BAZ1B: variants seen among roughly 807,000 people sequenced by gnomAD.
BAZ1B encodes bromodomain adjacent to zinc finger domain 1B.
In BAZ1B, 22 loss-of-function variants were observed where a neutral mutation model predicts 153.8. The ratio of observed to expected loss-of-function variants is 0.14; its 90% confidence interval spans 0.10 to 0.20. The LOEUF (loss-of-function observed/expected upper bound fraction) is 0.20. Ranked by LOEUF, BAZ1B falls within the 10% of genes least tolerant of loss-of-function variation. The pLI, the probability that BAZ1B is intolerant of heterozygous loss-of-function variation, is 1.00. For missense variants in BAZ1B, 1,325 were observed against 1,799.3 expected (o/e 0.74, Z 4.77); for synonymous variants, 676 against 633.4 (o/e 1.07, Z -1.01).
In BAZ1B at chr7:73,492,952, CG is replaced by C. The variant is rs782168734; in HGVS notation, c.572-32del. 1.2e-5 allele frequency: 19 copies of C among 1,556,488 alleles called. No homozygotes were observed. The Admixed American group carries it at 1.7e-4, about 14-fold the overall frequency. On this transcript the variant is annotated intron_variant, in intron 4 of 19. Coordinates refer to ENST00000339594, the MANE Select transcript of BAZ1B (RefSeq NM_032408.4). ...CAAATCATAGAAAATTAGTGAAAAA[CG>C]TAATTATTTTAATCCTTTTCATTCA...
chr7:73,458,846 A>C (rs1788290687), intron 13 of BAZ1B, among the ~76,000 whole-genome samples: 1 of 152,154 alleles, frequency 6.6e-6, no homozygotes, highest in African/African-American at 2.4e-5. Context: ...GTGAGTTATA[A>C]GCAAATCACC....
intron 3 of BAZ1B, among the ~76,000 whole-genome samples, chr7:73,503,958 C>T (rs764943237): frequency 6.6e-6 from 1 of 152,128 alleles, no homozygotes; most frequent in African/African-American, 2.4e-5. Flanking sequence ...TCTCTCACTA[C>T]CATAGTACTC....
intron 7 of BAZ1B, among the ~76,000 whole-genome samples, chr7:73,472,759 A>G (rs1194104576): frequency 1.3e-5 from 2 of 149,484 alleles, no homozygotes; most frequent in African/African-American, 2.5e-5. Context: ...TTATTTATTT[A>G]TTTATTTATT....
rs1787678189 is a variant in BAZ1B, at chr7:73,442,814, C to T, written c.4005G>A (p.Lys1335=). Residue 1335 remains lysine, a synonymous_variant, in exon 18 of 20, where the codon AAG becomes AAA. Coordinates refer to ENST00000339594, the MANE Select transcript of BAZ1B (RefSeq NM_032408.4). ...AEVDELVLQT[K]RSSRRQSLEL... is the part of the protein sequence containing the mutation. ...CCAGGCTTTGCCTCCGGGAGCTCCG[C>T]TTGGTCTGAAGCACCTGGCAGGAAA... 10 of 1,613,792 alleles carry T rather than the reference C, an allele frequency of 6.2e-6. No individual in the cohort carries two copies. The highest frequency in any genetic ancestry group is 8.5e-6 in the Non-Finnish European group (10 of 1,179,728).
chr7:73,478,618 CTT>C (rs782458889), intron 6 of BAZ1B, 49 bp from the exon 7 acceptor site: 1 of 1,413,790 alleles, frequency 7.1e-7, no homozygotes, highest in Non-Finnish European at 9.4e-7. Context: ...CTAAAACTAA[CTT>C]AAGCAACATT....
At chr7:73,456,921 G>A (rs2429047) in intron 13 of BAZ1B, among the ~76,000 whole-genome samples, 1,542 of 116,230 alleles carry the variant, frequency 0.013, 37 homozygotes, top group African/African-American at 0.049. Context: ...CGGCCTCGGC[G>A]ACAGAGACTC....
Position 73,477,623 on chromosome 7 carries a change from A to C in BAZ1B, c.1838T>G (p.Val613Gly), listed in dbSNP as rs1583914364. ...PNTLFGDVAM[V>G]VEFLSCYSGL... Reference sequence around the variant, plus strand: ...AGAATAACAGCTCAAGAATTCCACCACCATGGCCACATCCCCAAACAGCGT... The same window carrying C: ...AGAATAACAGCTCAAGAATTCCACCCCCATGGCCACATCCCCAAACAGCGT... The change falls in exon 7 of 20, where the codon GTG becomes GGG. Residue 613 changes from valine to glycine, a missense_variant. By Grantham distance (109) the Val-to-Gly change is moderately radical. Coordinates refer to ENST00000339594, the MANE Select transcript of BAZ1B (RefSeq NM_032408.4). This position sits in a 1 kb window ranked among gnomAD's most constrained non-coding sequence, Gnocchi z 5.6. 6.2e-7 allele frequency: 1 copy of C among 1,614,146 alleles called. No homozygotes were observed. The highest frequency in any genetic ancestry group is 8.5e-7 in the Non-Finnish European group (1 of 1,180,018).
At chr7:73,493,384 C>T (rs1322290028) in intron 4 of BAZ1B, among the ~76,000 whole-genome samples, 1 of 151,942 alleles carries the variant, frequency 6.6e-6, no homozygotes, top group East Asian at 1.9e-4. Context: ...CACTTGAACC[C>T]GGGAGGCAGA....
rs1330674729 is a variant in BAZ1B, at chr7:73,441,455, T to C, written c.*254A>G. On this transcript the variant is annotated 3_prime_UTR_variant, in exon 20 of 20. Coordinates refer to ENST00000339594, the MANE Select transcript of BAZ1B (RefSeq NM_032408.4). ...GCCAGATCCATCAAAGTAAAGGTTA[T>C]ATGCATGATTATAAGCAGGACTCCA... 6.6e-6 allele frequency: 1 copy of C among 152,408 alleles called. No individual in the cohort carries two copies. The highest frequency in any genetic ancestry group is 1.5e-5 in the Non-Finnish European group (1 of 68,046). The allele number at this position is 152,408 out of a possible 1,614,324, so 9.4% of individuals were successfully genotyped here.
chr7:73,444,238 AGC>A, intron 16 of BAZ1B, 109 bp from the exon 17 acceptor site: 3 of 1,296,618 alleles, frequency 2.3e-6, no homozygotes, highest in Non-Finnish European at 3.1e-6. Flanking sequence ...GGACAAGGAA[AGC>A]AGTGGCCTCC....
At chr7:73,461,268 G>A (rs1445535043) in intron 12 of BAZ1B, among the ~76,000 whole-genome samples, 1 of 151,912 alleles carries the variant, frequency 6.6e-6, no homozygotes, top group Non-Finnish European at 1.5e-5. Flanking sequence ...AAGCCACCGC[G>A]CCCGCATGAA....
Position 73,442,526 on chromosome 7 carries a change from C to G in BAZ1B, c.4122G>C (p.Glu1374Asp), listed in dbSNP as rs920928990. The change falls in exon 19 of 20, where the codon GAG becomes GAC. Residue 1374 changes from glutamate to aspartate, a missense_variant. By Grantham distance (45) the Glu-to-Asp change is conservative. Around this residue, in one of 9 missense-constraint regions of BAZ1B, gnomAD observed 271 missense variants for 337.2 expected, o/e 0.80. Coordinates refer to ENST00000339594, the MANE Select transcript of BAZ1B (RefSeq NM_032408.4). The stretch of plus-strand genomic sequence containing the variant: ...GGTGCGTGATCACATCATAGTAGTC[C>G]TCGGCCTCATCTCTGGTCACAGGCT... ...FREPVTRDEA[E>D]DYYDVITHPM... 2 of 1,612,446 alleles carry G rather than the reference C, an allele frequency of 1.2e-6. No individual in the cohort carries two copies. The highest frequency in any genetic ancestry group is 1.7e-6 in the Non-Finnish European group (2 of 1,178,820).
Position 73,442,164 on chromosome 7 carries a change from C to G in BAZ1B, c.*15+17G>C, listed in dbSNP as rs367685657. The G allele has an allele frequency of 9.4e-6, 13 of 1,384,744 alleles. No individual in the cohort carries two copies. The highest frequency in any genetic ancestry group is 7.3e-5 in the Admixed American group (4 of 54,786). The allele number at this position is 1,384,744 out of a possible 1,614,324, so 85.8% of individuals were successfully genotyped here. A position where few individuals can be genotyped will look rare whatever the true frequency, so the allele number is the denominator to read the frequency against. ...CTCCCACCCTCCCTAGCTGTCCCCC[C>G]ACCTCAGCTCCCTTACCACGGCCCT... On this transcript the variant is annotated intron_variant, in intron 19 of 19. Transcript: ENST00000339594.
At chr7:73,449,834 AG>A (rs782041154) in intron 14 of BAZ1B, 145 bp from the exon 15 acceptor site, 34 of 835,418 alleles carry the variant, frequency 4.1e-5, no homozygotes, top group Non-Finnish European at 5.5e-5. Context: ...TTGTAAATGC[AG>A]GCATTTTCTA....
At chr7:73,510,058 T>TA (rs143846285) in intron 2 of BAZ1B, among the ~76,000 whole-genome samples, 7,412 of 150,434 alleles carry the variant, frequency 0.049, 208 homozygotes, top group Non-Finnish European at 0.066. Flanking sequence ...ACCCAGGAGA[T>TA]AGAGGTTACA....
intron 7 of BAZ1B, among the ~76,000 whole-genome samples, chr7:73,473,863 GC>G: frequency 6.6e-6 from 1 of 152,266 alleles, no homozygotes; most frequent in Admixed American, 6.5e-5. Flanking sequence ...TGCTCGGGAG[GC>G]CGAAGTGGGA....
At chr7:73,504,740 A>ACTGCTTGAGCCTGGGAGGC in intron 3 of BAZ1B, among the ~76,000 whole-genome samples, 1 of 152,118 alleles carries the variant, frequency 6.6e-6, no homozygotes, top group African/African-American at 2.4e-5. Context: ...AGGTGGGAGG[A>ACTGCTTGAGCCTGGGAGGC]CTGCTTGAGC....
At chr7:73,503,155 G>A (rs1790204072) in intron 3 of BAZ1B, among the ~76,000 whole-genome samples, 1 of 152,102 alleles carries the variant, frequency 6.6e-6, no homozygotes, top group African/African-American at 2.4e-5. Context: ...ATAACCAATT[G>A]TATTCAGCAA....
In BAZ1B at chr7:73,442,238, T is replaced by C; in HGVS notation, c.4410A>G (p.Pro1470=). ...GTCCCCTGGACTGTCCAACGGCCTC[T>C]GGCTCACTGTCCCCTTCATCTTCAG... ...RLAEDEGDSE[P]EAVGQSRGRR... The change falls in exon 19 of 20, where the codon CCA becomes CCG. Residue 1470 remains proline, a synonymous_variant. Transcript: ENST00000339594. The C allele has an allele frequency of 6.3e-7, 1 of 1,579,048 alleles. No individual in the cohort carries two copies. The highest frequency in any genetic ancestry group is 8.6e-7 in the Non-Finnish European group (1 of 1,157,614).
Sources: allele counts gnomAD v4.1 joint callset (sites outside exome capture counted in the v4.1 genomes callset), GRCh38; gene constraint gnomAD v4.1.1; regional missense constraint gnomAD v4.1.1; non-coding constraint Gnocchi (gnomAD v3.1); transcripts MANE v1.5; gene names NCBI Gene and HGNC (gene_info 2026-07-23, HGNC 2026-07-21).